The following PLD5 variants were observed in gnomAD, a reference collection of about 807,000 sequenced individuals.
PLD5 encodes the protein inactive phospholipase D5.
PLD5 carries 36 observed loss-of-function variants against 61.1 expected under a neutral mutation model. The observed-to-expected ratio is 0.59, with a 90% CI of 0.45 to 0.78. The LOEUF is 0.78. Ranked by LOEUF, PLD5 falls within the 30% of genes least tolerant of loss-of-function variation. The pLI is 0.00. For missense variants in PLD5, 515 were observed against 644.4 expected, an observed-to-expected ratio of 0.80 and a Z score of 2.17; for synonymous variants, 243 against 242.8, an observed-to-expected ratio of 1.00 and a Z score of -0.01.
At chr1:242,457,087 C>T (rs1032707775) in intron 1 of PLD5, among the ~76,000 whole-genome samples, 2 of 152,252 alleles carry the variant, frequency 1.3e-5, no homozygotes, top group East Asian at 1.9e-4. Context: ...GGAGAAGCCA[C>T]GTCTCATGTT....
chr1:242,131,166 C>T (rs1228489177), intron 5 of PLD5, among the ~76,000 whole-genome samples: 1 of 152,072 alleles, frequency 6.6e-6, no homozygotes, highest in African/African-American at 2.4e-5. Context: ...ATTAGCTGGG[C>T]ATGGTGGCTT....
In PLD5 at chr1:242,524,271, C is replaced by T; in HGVS notation, c.6G>A (p.Glu2=). Residue 2 remains glutamate, a synonymous_variant, in exon 1 of 10, where the codon GAG becomes GAA. Coordinates refer to ENST00000536534, the MANE Select transcript of PLD5 (RefSeq NM_001372062.1). M[E]IRQHEWLSAS... ...CCGAGAGCCACTCGTGCTGCCGGAT[C>T]TCCATCCTGACATGACCGGGCGGCC... 9 of 1,477,024 alleles carry T rather than the reference C, an allele frequency of 6.1e-6. No homozygotes were observed. Among genetic ancestry groups the T allele is most frequent in the Non-Finnish European group, 8.0e-6 (9 of 1,118,480 alleles). The allele number at this position is 1,477,024 out of a possible 1,614,324, so 91.5% of individuals were successfully genotyped here.
At chr1:242,246,478 A>AC (rs138668018) in intron 4 of PLD5, among the ~76,000 whole-genome samples, 1 of 141,106 alleles carries the variant, frequency 7.1e-6, no homozygotes, top group Non-Finnish European at 1.5e-5. Context: ...TAGAAAAGAC[A>AC]ACACACACAC....
chr1:242,114,120 ACTAT>A, intron 6 of PLD5, 94 bp from the exon 7 acceptor site: 1 of 1,415,142 alleles, frequency 7.1e-7, no homozygotes, highest in Admixed American at 2.4e-5. Flanking sequence ...TTGGCTTGTA[ACTAT>A]ATTTTTGCAA....
intron 5 of PLD5, among the ~76,000 whole-genome samples, chr1:242,158,359 GA>G (rs1032208951): frequency 1.3e-5 from 2 of 152,056 alleles, no homozygotes; most frequent in Admixed American, 6.6e-5. Flanking sequence ...CTGGGGTATA[GA>G]AAAAAAGTCT....
chr1:242,400,354 T>C (rs1663858595), intron 1 of PLD5, among the ~76,000 whole-genome samples: 1 of 150,616 alleles, frequency 6.6e-6, no homozygotes, highest in South Asian at 2.1e-4. Flanking sequence ...GTTTGTTTAA[T>C]ATATAGTGAA....
At chr1:242,154,681 T>A (rs1665215133) in intron 5 of PLD5, among the ~76,000 whole-genome samples, 1 of 152,104 alleles carries the variant, frequency 6.6e-6, no homozygotes, top group South Asian at 2.1e-4. Context: ...GTCTTGCATC[T>A]CAGGGATGAA....
intron 1 of PLD5, among the ~76,000 whole-genome samples, chr1:242,384,822 C>T (rs537301205): frequency 1.3e-5 from 2 of 152,298 alleles, no homozygotes; most frequent in Admixed American, 1.3e-4. Flanking sequence ...GCAGTACTCT[C>T]TCTCTGGAAA....
intron 5 of PLD5, among the ~76,000 whole-genome samples, chr1:242,145,334 G>A (rs118002939): frequency 6.6e-6 from 1 of 152,318 alleles, no homozygotes; most frequent in East Asian, 1.9e-4. Context: ...TCTTCAGGAT[G>A]TTATTAGCAC....
At chr1:242,216,977 G>A (rs1315318726) in intron 5 of PLD5, among the ~76,000 whole-genome samples, 1 of 152,180 alleles carries the variant, frequency 6.6e-6, no homozygotes, top group Non-Finnish European at 1.5e-5. Context: ...CTCTATAAAT[G>A]GAACAAAGCT....
chr1:242,372,741 T>C (rs977886132), intron 1 of PLD5, among the ~76,000 whole-genome samples: 6 of 152,208 alleles, frequency 3.9e-5, no homozygotes, highest in Admixed American at 2.6e-4. Context: ...GCTAGCCATA[T>C]GTAGAAAGCT....
intron 5 of PLD5, among the ~76,000 whole-genome samples, chr1:242,141,583 T>G (rs1364450159): frequency 6.6e-6 from 1 of 152,206 alleles, no homozygotes; most frequent in Non-Finnish European, 1.5e-5. Context: ...AAAGAGGATA[T>G]TTTCAGAATG....
rs541335587 is a variant in PLD5, at chr1:242,240,497, T to C, written c.608-20382A>G. ...ACCTCAGAATTGAATTGATGCTTTA[T>C]TAGTAATTTTGATGGTCTTCTTTCT... On this transcript the variant is annotated intron_variant, in intron 4 of 9. Coordinates refer to ENST00000536534, the MANE Select transcript of PLD5 (RefSeq NM_001372062.1). Among the ~76,000 whole-genome samples, 12 of 152,302 alleles carry C rather than the reference T, an allele frequency of 7.9e-5. No individual in the cohort carries two copies. In the South Asian group the frequency reaches 1.9e-3, roughly 24 times the overall value.
chr1:242,461,977 G>T (rs1438099152), intron 1 of PLD5, among the ~76,000 whole-genome samples: 1 of 152,158 alleles, frequency 6.6e-6, no homozygotes, highest in Non-Finnish European at 1.5e-5. Flanking sequence ...TTGGGCCTTT[G>T]TTAAATGCAT....
rs1422007637 is a variant in PLD5, at chr1:242,407,997, TA to T, written c.190-59756del. The stretch of plus-strand genomic sequence containing the variant: ...ACTGCACGTAGCTATTAATATTTTT[TA>T]TTTTTTTAATAGCTGAAAGCTACTT... On this transcript the variant is annotated intron_variant, in intron 1 of 9. Coordinates refer to ENST00000536534, the MANE Select transcript of PLD5 (RefSeq NM_001372062.1). Among the ~76,000 whole-genome samples, 473 of 152,030 alleles carry T rather than the reference TA, an allele frequency of 3.1e-3. 2 individuals are homozygous for T. Among genetic ancestry groups the T allele is most frequent in the African/African-American group, 0.011 (447 of 41,298 alleles).
chr1:242,428,467 G>A (rs2580231), intron 1 of PLD5, among the ~76,000 whole-genome samples: 34,750 of 152,176 alleles, frequency 0.23, 4,528 homozygotes, highest in Admixed American at 0.3. Flanking sequence ...AGGGATGGGA[G>A]CTTCAGCCCT....
chr1:242,407,995 TTTA>T (rs1471716429), intron 1 of PLD5, among the ~76,000 whole-genome samples: 1 of 152,230 alleles, frequency 6.6e-6, no homozygotes, highest in African/African-American at 2.4e-5. Context: ...ATTAATATTT[TTTA>T]TTTTTTTAAT....
At chr1:242,221,670 C>T (rs1670596202) in intron 4 of PLD5, among the ~76,000 whole-genome samples, 1 of 152,078 alleles carries the variant, frequency 6.6e-6, no homozygotes, top group South Asian at 2.1e-4. Context: ...GTTTCTCTGC[C>T]TCCAGCCATC....
chr1:242,413,310 T>TC (rs1664656067), intron 1 of PLD5, among the ~76,000 whole-genome samples: 1 of 144,202 alleles, frequency 6.9e-6, no homozygotes, highest in African/African-American at 2.6e-5. Context: ...ATGATCTCTC[T>TC]TTTTTTTTTT....
Sources: allele counts gnomAD v4.1 joint callset (sites outside exome capture counted in the v4.1 genomes callset), GRCh38; gene constraint gnomAD v4.1.1; transcripts MANE v1.5; gene names NCBI Gene and HGNC (gene_info 2026-07-23, HGNC 2026-07-21).